The following DACH1 variants were observed in gnomAD, a reference collection of about 807,000 sequenced individuals.
DACH1 encodes dachshund homolog 1.
DACH1 carries 12 observed loss-of-function variants against 54.2 expected under a neutral mutation model. The observed-to-expected ratio is 0.22, with a 90% CI of 0.14 to 0.36. The LOEUF (loss-of-function observed/expected upper bound fraction) is 0.36. DACH1 is among the 10% of genes least tolerant of loss of function. The probability of loss-of-function intolerance (pLI) is 1.00; values close to 1 mark genes in which losing one functional copy is unlikely to be tolerated. For missense variants in DACH1, 805 were observed against 929.8 expected (o/e 0.87, Z 1.75); for synonymous variants, 386 against 366.2 (o/e 1.05, Z -0.62).
At chr13:71,543,004 T>C (rs1247869322) in intron 6 of DACH1, among the ~76,000 whole-genome samples, 2 of 152,150 alleles carry the variant, frequency 1.3e-5, no homozygotes, top group African/African-American at 4.8e-5. Flanking sequence ...AAAGGAAAGA[T>C]TGAAGATCCT....
chr13:71,646,766 C>T (rs1322339768), intron 2 of DACH1, among the ~76,000 whole-genome samples: 2 of 152,120 alleles, frequency 1.3e-5, no homozygotes, highest in African/African-American at 2.4e-5. Context: ...GATAAGAATG[C>T]CATATTTGAG....
intron 1 of DACH1, among the ~76,000 whole-genome samples, chr13:71,732,655 T>A (rs1244877861): frequency 6.6e-6 from 1 of 151,936 alleles, no homozygotes; most frequent in Non-Finnish European, 1.5e-5. Context: ...AATAATAGTC[T>A]GTAGGCCAAA....
At chr13:71,495,364 A>T (rs1879318344) in intron 6 of DACH1, among the ~76,000 whole-genome samples, 1 of 151,946 alleles carries the variant, frequency 6.6e-6, no homozygotes, top group South Asian at 2.1e-4. Flanking sequence ...ACAATTACTT[A>T]TAAAAATATA....
chr13:71,590,129 A>T (rs992916792), intron 3 of DACH1, among the ~76,000 whole-genome samples: 7 of 152,066 alleles, frequency 4.6e-5, no homozygotes, highest in Non-Finnish European at 7.4e-5. Flanking sequence ...TAAAAACATA[A>T]AGCATTCTTG....
At chr13:71,742,577 G>GT (rs1196665280) in intron 1 of DACH1, among the ~76,000 whole-genome samples, 1 of 152,126 alleles carries the variant, frequency 6.6e-6, no homozygotes, top group African/African-American at 2.4e-5. Flanking sequence ...TTTATTTGTA[G>GT]TTTTCTCTGC....
chr13:71,798,595 A>G (rs758535526), intron 1 of DACH1, among the ~76,000 whole-genome samples: 24 of 151,850 alleles, frequency 1.6e-4, no homozygotes, highest in Non-Finnish European at 2.8e-4. Context: ...TCATTATGCC[A>G]TTAACAATAA....
chr13:71,630,344 T>C (rs1184501797), intron 3 of DACH1, among the ~76,000 whole-genome samples: 3 of 152,178 alleles, frequency 2.0e-5, no homozygotes, highest in African/African-American at 7.2e-5. Context: ...GTTGATCCTA[T>C]AATTAAAAAT....
At chr13:71,651,020 G>T (rs1439947754) in intron 2 of DACH1, among the ~76,000 whole-genome samples, 2 of 152,016 alleles carry the variant, frequency 1.3e-5, no homozygotes, top group African/African-American at 2.4e-5. Flanking sequence ...ATTTGCAAAG[G>T]TCATTTGAAC....
In DACH1 at chr13:71,646,199, T is replaced by C. The variant is rs534267002; in HGVS notation, c.965-15482A>G. 2.6e-5 allele frequency among the ~76,000 whole-genome samples: 4 copies of C among 151,954 alleles called. No individual in the cohort carries two copies. In the South Asian group the frequency reaches 8.3e-4, roughly 32 times the overall value. The stretch of plus-strand genomic sequence containing the variant: ...TAAAAATACAAAAATTAGCCAGGCA[T>C]GGTGGCGGGTGCCTGTAATCCCAGC... On this transcript the variant is annotated intron_variant, in intron 2 of 10. Transcript: ENST00000613252.
chr13:71,551,585 A>G (rs1258210609), intron 6 of DACH1, among the ~76,000 whole-genome samples: 1 of 152,118 alleles, frequency 6.6e-6, no homozygotes, highest in African/African-American at 2.4e-5. Context: ...ACGTAACACA[A>G]TGACCTGTAG....
chr13:71,824,040 G>T (rs1888291583), intron 1 of DACH1, among the ~76,000 whole-genome samples: 1 of 151,642 alleles, frequency 6.6e-6, no homozygotes, highest in Non-Finnish European at 1.5e-5. Flanking sequence ...CAAACCTCTT[G>T]CCACATGCCA....
chr13:71,694,310 G>A (rs1881702279), intron 1 of DACH1, among the ~76,000 whole-genome samples: 1 of 151,726 alleles, frequency 6.6e-6, no homozygotes, highest in African/African-American at 2.4e-5. Flanking sequence ...ACCAACTCCA[G>A]AATTCAGAGA....
At chr13:71,683,318 C>A (rs545726733) in intron 1 of DACH1, among the ~76,000 whole-genome samples, 1 of 152,024 alleles carries the variant, frequency 6.6e-6, no homozygotes, top group African/African-American at 2.4e-5. Context: ...GATGATGATA[C>A]TACCATGTCA....
At chr13:71,500,984 A>G (rs1249808900) in intron 6 of DACH1, among the ~76,000 whole-genome samples, 1 of 152,136 alleles carries the variant, frequency 6.6e-6, no homozygotes, top group African/African-American at 2.4e-5. Flanking sequence ...ACGAACTTCA[A>G]GTCTTTAAAC....
chr13:71,731,554 A>G (rs1166788933), intron 1 of DACH1, among the ~76,000 whole-genome samples: 1 of 152,132 alleles, frequency 6.6e-6, no homozygotes, highest in Non-Finnish European at 1.5e-5. Context: ...AAGTGCTGGG[A>G]TTACAGGCGT....
At chr13:71,721,003 A>T (rs138856654) in intron 1 of DACH1, among the ~76,000 whole-genome samples, 158 of 152,294 alleles carry the variant, frequency 1.0e-3, no homozygotes, top group African/African-American at 3.6e-3. Flanking sequence ...CCTGTTAAAA[A>T]TACTGTAGAA....
chr13:71,578,318 C>T (rs1461935587), intron 3 of DACH1, among the ~76,000 whole-genome samples: 1 of 152,012 alleles, frequency 6.6e-6, no homozygotes, highest in Non-Finnish European at 1.5e-5. Flanking sequence ...CCATTGGAGA[C>T]CACTTAGAAA....
Position 71,742,356 on chromosome 13 carries a change from C to T in DACH1, c.849-60446G>A, listed in dbSNP as rs555644720. 1.6e-4 allele frequency among the ~76,000 whole-genome samples: 24 copies of T among 152,228 alleles called. No homozygotes were observed. The South Asian group carries it at 4.4e-3, about 28-fold the overall frequency. On this transcript the variant is annotated intron_variant, in intron 1 of 10. Coordinates refer to ENST00000613252, the MANE Select transcript of DACH1 (RefSeq NM_080759.6). ...GGAAATTTAATTTGTTACTAATTTT[C>T]CTCAGTTAAACTTCTAAATATCAAT...
intron 1 of DACH1, among the ~76,000 whole-genome samples, chr13:71,745,794 G>T (rs1884577666): frequency 6.6e-6 from 1 of 152,178 alleles, no homozygotes; most frequent in Admixed American, 6.5e-5. Context: ...CAATAAAACT[G>T]CAGGGCTTTT....
Sources: allele counts gnomAD v4.1 joint callset (sites outside exome capture counted in the v4.1 genomes callset), GRCh38; gene constraint gnomAD v4.1.1; transcripts MANE v1.5; gene names NCBI Gene and HGNC (gene_info 2026-07-23, HGNC 2026-07-21).